The following UNC13C variants were observed in gnomAD, a reference collection of about 807,000 sequenced individuals.
UNC13C encodes the protein unc-13 homolog C, also known as protein unc-13 homolog C.
A neutral mutation model predicts 245.4 loss-of-function variants in UNC13C; 174 were observed. The observed-to-expected ratio is 0.71, with a 90% CI of 0.63 to 0.80. The LOEUF (loss-of-function observed/expected upper bound fraction) is 0.80, where lower values mean the gene tolerates loss of function less well. Among genes scored for constraint, UNC13C ranks in the 30% least tolerant of loss-of-function variants. The probability of loss-of-function intolerance (pLI) is 0.00; values close to 1 mark genes in which losing one functional copy is unlikely to be tolerated. For synonymous variants in UNC13C, 992 were observed against 895.1 expected, an observed-to-expected ratio of 1.11 and a Z score of -1.93; for missense variants, 2,829 against 2,602.9, an observed-to-expected ratio of 1.09 and a Z score of -1.89.
intron 4 of UNC13C, among the ~76,000 whole-genome samples, chr15:54,176,564 C>T (rs571187152): frequency 2.9e-4 from 44 of 152,104 alleles, no homozygotes; most frequent in African/African-American, 1.0e-3. Flanking sequence ...TGACTGAAAT[C>T]CTTTATCAAA....
At chr15:54,162,870 A>G (rs1486724476) in intron 4 of UNC13C, among the ~76,000 whole-genome samples, 1 of 152,228 alleles carries the variant, frequency 6.6e-6, no homozygotes, top group Non-Finnish European at 1.5e-5. Context: ...GGTGAAATCA[A>G]GAGATAAACA....
chr15:54,555,473 A>G lies in UNC13C; in HGVS notation c.5919A>G (p.Arg1973=), dbSNP rs1263463740. 3.1e-6 allele frequency: 5 copies of G among 1,612,276 alleles called. No individual in the cohort carries two copies. The highest frequency in any genetic ancestry group is 3.4e-6 in the Non-Finnish European group (4 of 1,179,064). Residue 1973 remains arginine, a synonymous_variant, in exon 29 of 33, where the codon AGA becomes AGG. Coordinates refer to ENST00000260323, the MANE Select transcript of UNC13C (RefSeq NM_001080534.3). ...AGGATGCCAGGGGTCTGACGCCAAGACAATGCGCTATAATGGAGGTAGTCC... is the reference window on the plus strand; with the variant it reads ...AGGATGCCAGGGGTCTGACGCCAAGGCAATGCGCTATAATGGAGGTAGTCC... ...IREDARGLTP[R]QCAIMEVVLA...
the UNC13C span, among the ~76,000 whole-genome samples, chr15:53,967,323 TTTTTTTTG>T: frequency 8.5e-6 from 1 of 117,470 alleles, no homozygotes; most frequent in South Asian, 2.8e-4. Context: ...GAGCACAATT[TTTTTTTTG>T]TTGTTTTGTT....
intron 4 of UNC13C, among the ~76,000 whole-genome samples, chr15:54,160,086 C>T (rs928889578): frequency 2.6e-5 from 4 of 151,858 alleles, no homozygotes; most frequent in Admixed American, 2.0e-4. Context: ...GAAAACTAGA[C>T]AATTGGAAGA....
intron 26 of UNC13C, among the ~76,000 whole-genome samples, chr15:54,537,913 G>A (rs1316558019): frequency 6.6e-6 from 1 of 151,520 alleles, no homozygotes; most frequent in Non-Finnish European, 1.5e-5. Flanking sequence ...AACCATTCTG[G>A]ACATAGGCCC....
At chr15:53,960,335 G>GTT in the UNC13C span, among the ~76,000 whole-genome samples, 145 of 143,620 alleles carry the variant, frequency 1.0e-3, no homozygotes, top group South Asian at 2.9e-3. Context: ...TCTATATCAT[G>GTT]TTTTTTTTTT....
chr15:54,476,721 A>G (rs1892764006), intron 19 of UNC13C, among the ~76,000 whole-genome samples: 1 of 150,076 alleles, frequency 6.7e-6, no homozygotes, highest in Non-Finnish European at 1.5e-5. Context: ...GCCTTGTAGT[A>G]TAGTTTGAAG....
chr15:54,207,619 C>T (rs1164493512), intron 4 of UNC13C, among the ~76,000 whole-genome samples: 1 of 152,096 alleles, frequency 6.6e-6, no homozygotes, highest in Admixed American at 6.6e-5. Context: ...ATTAAAGATA[C>T]ATATAATGGG....
At chr15:54,386,405 A>G (rs904832766) in intron 17 of UNC13C, among the ~76,000 whole-genome samples, 17 of 152,198 alleles carry the variant, frequency 1.1e-4, no homozygotes, top group Admixed American at 1.0e-3. Context: ...AAGCCTTATA[A>G]TAAAAAACAT....
intron 4 of UNC13C, among the ~76,000 whole-genome samples, chr15:54,161,697 T>C (rs1431068737): frequency 6.6e-6 from 1 of 152,098 alleles, no homozygotes; most frequent in Non-Finnish European, 1.5e-5. Flanking sequence ...ACACCTGTAA[T>C]CCCAGCACTT....
intron 19 of UNC13C, among the ~76,000 whole-genome samples, chr15:54,442,592 T>C (rs956094125): frequency 3.9e-5 from 6 of 152,092 alleles, no homozygotes; most frequent in Non-Finnish European, 2.9e-5. Flanking sequence ...TTGTCATGTA[T>C]AGTCCTTATT....
chr15:54,544,524 A>G (rs1596543366), intron 26 of UNC13C, among the ~76,000 whole-genome samples: 1 of 152,348 alleles, frequency 6.6e-6, no homozygotes, highest in East Asian at 1.9e-4. Flanking sequence ...TTTGCAGATG[A>G]CATGATTGTA....
intron 18 of UNC13C, among the ~76,000 whole-genome samples, chr15:54,408,282 T>C (rs575177683): frequency 6.6e-6 from 1 of 150,888 alleles, no homozygotes; most frequent in South Asian, 2.1e-4. Flanking sequence ...ATTCATTTCA[T>C]GTTCTAGTAC....
intron 4 of UNC13C, among the ~76,000 whole-genome samples, chr15:54,186,871 C>T (rs559339124): frequency 8.2e-6 from 1 of 122,340 alleles, no homozygotes; most frequent in East Asian, 2.4e-4. Context: ...TTTTTTGAGA[C>T]AGAGTCTTGC....
intron 2 of UNC13C, among the ~76,000 whole-genome samples, chr15:54,094,622 C>A (rs1310054794): frequency 6.6e-6 from 1 of 152,186 alleles, no homozygotes; most frequent in Non-Finnish European, 1.5e-5. Context: ...ACAACTTGAG[C>A]AGATCCCACT....
chr15:54,099,585 T>C (rs1900057720), intron 2 of UNC13C, among the ~76,000 whole-genome samples: 7 of 152,126 alleles, frequency 4.6e-5, no homozygotes, highest in Admixed American at 4.6e-4. Flanking sequence ...AAAAGGAAAC[T>C]GGAAGCATTC....
the UNC13C span, among the ~76,000 whole-genome samples, chr15:53,904,936 C>T: frequency 6.6e-6 from 1 of 151,982 alleles, no homozygotes; most frequent in Non-Finnish European, 1.5e-5. Context: ...TGTAACAGTA[C>T]ATAGTAAGTG....
intron 17 of UNC13C, among the ~76,000 whole-genome samples, chr15:54,342,541 A>G (rs929242117): frequency 1.3e-5 from 2 of 150,900 alleles, no homozygotes; most frequent in Non-Finnish European, 3.0e-5. Flanking sequence ...AGCCTTGGTG[A>G]CACAGCAAGA....
chr15:54,135,564 C>T (rs2031685575), intron 2 of UNC13C, among the ~76,000 whole-genome samples: 1 of 152,158 alleles, frequency 6.6e-6, no homozygotes, highest in South Asian at 2.1e-4. Context: ...ACAGTCCTTT[C>T]CCCATTGTGT....
Sources: allele counts gnomAD v4.1 joint callset (sites outside exome capture counted in the v4.1 genomes callset), GRCh38; gene constraint gnomAD v4.1.1; transcripts MANE v1.5; gene names NCBI Gene and HGNC (gene_info 2026-07-23, HGNC 2026-07-21).